GLDN: variants seen among roughly 807,000 people sequenced by gnomAD.
GLDN encodes collomin.
In GLDN, 47 loss-of-function variants were observed where a neutral mutation model predicts 56.5. That is an observed-to-expected ratio of 0.83 (90% CI 0.66 to 1.06). GLDN has a LOEUF of 1.06. GLDN is among the 50% of genes least tolerant of loss of function. GLDN has a pLI of 0.00. For missense variants in GLDN, 782 were observed against 714.3 expected, an observed-to-expected ratio of 1.09 and a Z score of -1.08; for synonymous variants, 332 against 278.8, an observed-to-expected ratio of 1.19 and a Z score of -1.90.
intron 1 of GLDN, among the ~76,000 whole-genome samples, chr15:51,363,344 G>A (rs1173620265): frequency 1.3e-5 from 2 of 152,152 alleles, no homozygotes; most frequent in Admixed American, 6.6e-5. Flanking sequence ...ACTGTATTGT[G>A]AGCCTTTTGT....
chr15:51,372,794 G>C lies in GLDN; in HGVS notation c.364-4655G>C, dbSNP rs567593856. Among the ~76,000 whole-genome samples, 11 of 152,294 alleles carry C rather than the reference G, an allele frequency of 7.2e-5. No individual in the cohort carries two copies. The South Asian group carries it at 2.3e-3, about 32-fold the overall frequency. On this transcript the variant is annotated intron_variant, in intron 1 of 9. Transcript: ENST00000335449. Reference sequence around the variant, plus strand: ...ACTATTCTAGACACAGGGTACCTTAGTCTCTTTTGTGCTGCTATAATGGAA... The same window carrying C: ...ACTATTCTAGACACAGGGTACCTTACTCTCTTTTGTGCTGCTATAATGGAA...
intron 2 of GLDN, among the ~76,000 whole-genome samples, chr15:51,382,856 C>CA (rs1212425271): frequency 6.6e-6 from 1 of 152,144 alleles, no homozygotes; most frequent in African/African-American, 2.4e-5. Flanking sequence ...GAGCAAAATT[C>CA]ATGTGAACCC....
intron 4 of GLDN, among the ~76,000 whole-genome samples, chr15:51,387,569 G>A (rs1282237259): frequency 6.6e-6 from 1 of 152,172 alleles, no homozygotes; most frequent in African/African-American, 2.4e-5. Flanking sequence ...GGATGGCACT[G>A]CAGGTCCTCA....
rs940693262 is a variant in GLDN at position 51,407,411 on chromosome 15, G to C, written c.*2657G>C. 1 of 152,170 alleles carries C rather than the reference G, an allele frequency of 6.6e-6. No homozygotes were observed. Among genetic ancestry groups the C allele is most frequent in the African/African-American group, 2.4e-5 (1 of 41,434 alleles). The allele number at this position is 152,170 out of a possible 1,614,324, so 9.4% of individuals were successfully genotyped here. A position where few individuals can be genotyped will look rare whatever the true frequency, so the allele number is the denominator to read the frequency against. On this transcript the variant is annotated 3_prime_UTR_variant, in exon 10 of 10. Transcript: ENST00000335449. The stretch of plus-strand genomic sequence containing the variant: ...GTTTACCCTCTCATTTATAACCAAA[G>C]TTGCTCTAAAACACTTTCCAAATAT...
intron 1 of GLDN, among the ~76,000 whole-genome samples, chr15:51,359,094 A>C (rs1053046420): frequency 3.3e-5 from 5 of 152,196 alleles, no homozygotes; most frequent in African/African-American, 1.2e-4. Context: ...CCCAAAAGGA[A>C]CCAGACAAAA....
intron 1 of GLDN, among the ~76,000 whole-genome samples, chr15:51,371,416 G>A (rs1411659883): frequency 1.3e-5 from 2 of 152,272 alleles, no homozygotes; most frequent in East Asian, 1.9e-4. Flanking sequence ...TCCCATCTCT[G>A]TTTAGTTTGA....
intron 2 of GLDN, among the ~76,000 whole-genome samples, chr15:51,378,915 G>T (rs906480934): frequency 1.3e-5 from 2 of 152,172 alleles, no homozygotes; most frequent in African/African-American, 4.8e-5. Flanking sequence ...TTGGTCTCGA[G>T]CCCTAAGAGG....
rs755420151 is a variant in GLDN at position 51,400,449 on chromosome 15, GTC to G, written c.980_981del (p.Ser327CysfsTer2). 116 of 1,614,098 alleles carry G rather than the reference GTC, an allele frequency of 7.2e-5. No individual in the cohort carries two copies. The highest frequency in any genetic ancestry group is 8.8e-5 in the Non-Finnish European group (104 of 1,180,038). On this transcript the variant is annotated frameshift_variant, in exon 8 of 10. Transcript: ENST00000335449. LOFTEE classifies it high-confidence loss of function. The stretch of plus-strand genomic sequence containing the variant: ...AGACATTTGGGACTTGGATAAGAGA[GTC>G]TGCTAACAAGAGTGATGACCGGATT... ...TETFGTWIRESANKSDDRIWV... is the reference protein window; with the variant it reads ...TETFGTWIREXANKSDDRIWV...
intron 6 of GLDN, among the ~76,000 whole-genome samples, chr15:51,398,939 C>G (rs879425884): frequency 6.6e-6 from 1 of 152,218 alleles, no homozygotes; most frequent in Non-Finnish European, 1.5e-5. Context: ...CCTAATCTAC[C>G]AGGGGGCTGG....
At chr15:51,402,077 A>T (rs2038266235) in intron 9 of GLDN, among the ~76,000 whole-genome samples, 1 of 152,184 alleles carries the variant, frequency 6.6e-6, no homozygotes, top group East Asian at 1.9e-4. Context: ...CCCCTGGTGG[A>T]ACGTGCTGCT....
chr15:51,360,599 C>T (rs1328962332), intron 1 of GLDN: 2 of 152,404 alleles, frequency 1.3e-5, no homozygotes, highest in East Asian at 3.9e-4. Context: ...ACGGCCTTCT[C>T]AGTTTTACTC....
intron 9 of GLDN, among the ~76,000 whole-genome samples, chr15:51,404,076 A>T (rs1027356877): frequency 2.0e-5 from 3 of 152,190 alleles, no homozygotes; most frequent in Non-Finnish European, 2.9e-5. Flanking sequence ...TAGCACAGCC[A>T]GTCATTGTCT....
At chr15:51,395,813 T>C (rs2038114873) in intron 5 of GLDN, among the ~76,000 whole-genome samples, 2 of 152,212 alleles carry the variant, frequency 1.3e-5, no homozygotes, top group African/African-American at 4.8e-5. Context: ...AGAGGCATGA[T>C]GCTGGCATCT....
intron 4 of GLDN, among the ~76,000 whole-genome samples, chr15:51,388,370 A>G (rs575681349): frequency 2.6e-5 from 4 of 152,250 alleles, no homozygotes; most frequent in Non-Finnish European, 5.9e-5. Context: ...AGTGGAATCA[A>G]TCAAAATATT....
intron 1 of GLDN, among the ~76,000 whole-genome samples, chr15:51,361,093 C>G (rs1458657281): frequency 6.6e-6 from 1 of 152,180 alleles, no homozygotes; most frequent in Non-Finnish European, 1.5e-5. Flanking sequence ...CAAAATATTG[C>G]TGTTGGCGGT....
intron 4 of GLDN, among the ~76,000 whole-genome samples, chr15:51,388,578 C>A (rs977771388): frequency 1.3e-5 from 2 of 152,214 alleles, no homozygotes; most frequent in Non-Finnish European, 2.9e-5. Flanking sequence ...TTAGTTCCTA[C>A]CTTCAGTGCC....
intron 1 of GLDN, among the ~76,000 whole-genome samples, chr15:51,363,599 G>A (rs1393875151): frequency 1.3e-5 from 2 of 152,206 alleles, no homozygotes; most frequent in African/African-American, 2.4e-5. Flanking sequence ...ATTCACAGGC[G>A]AGTGGGAGGG....
intron 3 of GLDN, 74 bp from the exon 4 acceptor site, chr15:51,383,711 A>G: frequency 8.5e-7 from 1 of 1,171,904 alleles, no homozygotes; most frequent in Middle Eastern, 2.3e-4. Flanking sequence ...CTGGTAAAGG[A>G]AATGACAGTA....
intron 1 of GLDN, among the ~76,000 whole-genome samples, chr15:51,345,819 A>T (rs1202262124): frequency 6.6e-6 from 1 of 152,248 alleles, no homozygotes; most frequent in Admixed American, 6.5e-5. Context: ...TATTCAGATC[A>T]TACGATTATA....
Sources: gnomAD v4.1 joint callset for allele counts (sites outside exome capture counted in the v4.1 genomes callset) on GRCh38, gnomAD v4.1.1 for gene constraint, MANE v1.5 for transcripts, NCBI Gene and HGNC (gene_info 2026-07-23, HGNC 2026-07-21) for gene names.